The following PRICKLE1 variants were observed in gnomAD, a reference collection of about 807,000 sequenced individuals.
The protein encoded by PRICKLE1 is prickle planar cell polarity protein 1.
PRICKLE1 carries 14 observed loss-of-function variants against 70.2 expected under a neutral mutation model. The observed-to-expected ratio is 0.20, with a 90% confidence interval of 0.13 to 0.31. PRICKLE1 has a LOEUF of 0.31. Among genes scored for constraint, PRICKLE1 ranks in the 10% least tolerant of loss-of-function variants. The pLI is 1.00. For missense variants in PRICKLE1, 821 were observed against 1,026.2 expected (o/e 0.80, Z 2.73); for synonymous variants, 357 against 379.9 (o/e 0.94, Z 0.70).
Position 42,464,974 on chromosome 12 carries a change from G to A in PRICKLE1, c.1060C>T (p.Pro354Ser), listed in dbSNP as rs1938033219. Residue 354 changes from proline to serine, a missense_variant, in exon 7 of 8, where the codon CCT becomes TCT. Coordinates refer to ENST00000345127, the MANE Select transcript of PRICKLE1 (RefSeq NM_153026.3). This position sits in a 1 kb window ranked among gnomAD's most constrained non-coding sequence, Gnocchi z 4.2. ...CCAGGAAACTTGTAGTTCAGAGCAG[G>A]CGATAAGAGGAGAGACTGTCTACAC... ...DQCRQSLLLS[P>S]ALNYKFPGLS... The A allele has an allele frequency of 6.2e-7, 1 of 1,614,086 alleles. No homozygotes were observed. Among genetic ancestry groups the A allele is most frequent in the Non-Finnish European group, 8.5e-7 (1 of 1,180,006 alleles).
At chr12:42,481,816 T>A (rs1390846598) in intron 1 of PRICKLE1, among the ~76,000 whole-genome samples, 1 of 152,216 alleles carries the variant, frequency 6.6e-6, no homozygotes, top group Non-Finnish European at 1.5e-5. Flanking sequence ...GATGTGAATT[T>A]TCCAGTAAAA....
intron 7 of PRICKLE1, chr12:42,460,869 C>CTT (rs1212712742): frequency 1.6e-6 from 1 of 641,446 alleles, no homozygotes; most frequent in Non-Finnish European, 2.7e-6. Context: ...TGGGCACAGC[C>CTT]TTTTTTGTTT....
chr12:42,534,779 T>C (rs1275692974), intron 1 of PRICKLE1, among the ~76,000 whole-genome samples: 1 of 151,974 alleles, frequency 6.6e-6, no homozygotes, highest in East Asian at 1.9e-4. Flanking sequence ...TGAAAGGGGA[T>C]ACTAAAAAAA....
intron 6 of PRICKLE1, chr12:42,465,528 C>T (rs941471980): frequency 1.7e-5 from 8 of 463,274 alleles, no homozygotes; most frequent in African/African-American, 1.6e-4. Context: ...ACTGAACCAA[C>T]ATGCACTGAT....
intron 1 of PRICKLE1, among the ~76,000 whole-genome samples, chr12:42,547,117 A>G (rs1195530725): frequency 6.6e-6 from 1 of 152,182 alleles, no homozygotes; most frequent in East Asian, 1.9e-4. Flanking sequence ...TAGCTGGAAT[A>G]ATTTCTATCC....
rs536260461 is a variant in PRICKLE1 at position 42,464,081 on chromosome 12, T to C, written c.1639+314A>G. Among the ~76,000 whole-genome samples the C allele has an allele frequency of 1.3e-5, 2 of 151,808 alleles. No homozygotes were observed. Among genetic ancestry groups the C allele is most frequent in the East Asian group, 3.9e-4 (2 of 5,130 alleles). On this transcript the variant is annotated intron_variant, in intron 7 of 7. Transcript: ENST00000345127. The surrounding 1 kb of genome is among the most constrained non-coding windows in gnomAD (Gnocchi z 4.2). ...TCTTGCTCTGTTGCCCAGGCTGGAGTGCAGTGGCGCAATCTTGGCTCACTA... is the reference window on the plus strand; with the variant it reads ...TCTTGCTCTGTTGCCCAGGCTGGAGCGCAGTGGCGCAATCTTGGCTCACTA...
intron 1 of PRICKLE1, among the ~76,000 whole-genome samples, chr12:42,553,443 CA>C (rs11432974): frequency 0.58 from 80,121 of 138,842 alleles, 24,332 homozygotes; most frequent in East Asian, 0.85. Flanking sequence ...GACTCCGTCT[CA>C]AAAAAAAAAA....
intron 1 of PRICKLE1, among the ~76,000 whole-genome samples, chr12:42,572,671 T>C (rs943582628): frequency 3.3e-5 from 5 of 150,844 alleles, no homozygotes; most frequent in Middle Eastern, 3.4e-3. Flanking sequence ...AATATATATA[T>C]ATAAAATCAG....
intron 1 of PRICKLE1, among the ~76,000 whole-genome samples, chr12:42,506,567 CTTTTTTTTTTTTTT>C (rs139103281): frequency 1.5e-5 from 1 of 64,608 alleles, no homozygotes; most frequent in Non-Finnish European, 2.9e-5. Context: ...CAATAGTGTT[CTTTTTTTTTTTTTT>C]TTTTTTTTTT....
chr12:42,552,967 G>C (rs1334908459), intron 1 of PRICKLE1, among the ~76,000 whole-genome samples: 1 of 152,140 alleles, frequency 6.6e-6, no homozygotes, highest in Non-Finnish European at 1.5e-5. Flanking sequence ...AGAATCTAAT[G>C]CTGCAGCTGA....
chr12:42,477,787 G>C (rs1938626853), intron 1 of PRICKLE1, among the ~76,000 whole-genome samples: 1 of 151,874 alleles, frequency 6.6e-6, no homozygotes, highest in South Asian at 2.1e-4. Context: ...TGTCTCTTAA[G>C]GTTGATCACA....
intron 1 of PRICKLE1, among the ~76,000 whole-genome samples, chr12:42,564,173 G>A (rs11181560): frequency 0.27 from 39,036 of 145,658 alleles, 7,328 homozygotes; most frequent in African/African-American, 0.55. Context: ...CAGGAGAATC[G>A]TGAACCCGGG....
At chr12:42,506,325 G>A (rs1359863364) in intron 1 of PRICKLE1, among the ~76,000 whole-genome samples, 1 of 136,560 alleles carries the variant, frequency 7.3e-6, no homozygotes, top group African/African-American at 2.8e-5. Flanking sequence ...GGCGTGATCT[G>A]GGTTCACTGA....
At chr12:42,513,556 C>T (rs1458931779) in intron 1 of PRICKLE1, among the ~76,000 whole-genome samples, 1 of 149,816 alleles carries the variant, frequency 6.7e-6, no homozygotes, top group African/African-American at 2.5e-5. Context: ...TAGCAAGATG[C>T]TGTTGGGCTG....
At position 42,557,074 on chromosome 12, in the gene PRICKLE1, C is replaced by G. The variant is rs551479070; in HGVS notation, c.-49+32391G>C. Among the ~76,000 whole-genome samples, 36 of 152,148 alleles carry G rather than the reference C, an allele frequency of 2.4e-4. No individual in the cohort carries two copies. The South Asian group carries it at 7.1e-3, about 30-fold the overall frequency. ...GGCTCAAGTGATCCTCCTACCGCAG[C>G]CTCTCAAGTGGCTGGGACTACCACC... On this transcript the variant is annotated intron_variant, in intron 1 of 7. Coordinates refer to ENST00000345127, the MANE Select transcript of PRICKLE1 (RefSeq NM_153026.3).
intron 1 of PRICKLE1, among the ~76,000 whole-genome samples, chr12:42,494,116 A>C (rs1288612966): frequency 6.6e-6 from 1 of 152,228 alleles, no homozygotes; most frequent in Middle Eastern, 3.2e-3. Context: ...ACTGCTAAAA[A>C]ATGCTAATGA....
At chr12:42,553,685 C>T (rs1001181186) in intron 1 of PRICKLE1, among the ~76,000 whole-genome samples, 9 of 152,068 alleles carry the variant, frequency 5.9e-5, no homozygotes, top group African/African-American at 2.2e-4. Flanking sequence ...GGGAGTGGTA[C>T]TCTAGCAAGT....
At chr12:42,576,434 G>T (rs557095639) in intron 1 of PRICKLE1, among the ~76,000 whole-genome samples, 1 of 152,160 alleles carries the variant, frequency 6.6e-6, no homozygotes, top group Non-Finnish European at 1.5e-5. Flanking sequence ...GGGCATATTC[G>T]ACTTTATTTC....
At chr12:42,588,601 A>T (rs1016878093) in intron 1 of PRICKLE1, among the ~76,000 whole-genome samples, 2 of 151,678 alleles carry the variant, frequency 1.3e-5, no homozygotes, top group Non-Finnish European at 1.5e-5. Flanking sequence ...TTTAAAAATC[A>T]GCAACCAAAC....
Sources: gnomAD v4.1 joint callset for allele counts (sites outside exome capture counted in the v4.1 genomes callset) on GRCh38, gnomAD v4.1.1 for gene constraint, Gnocchi (gnomAD v3.1) non-coding constraint, MANE v1.5 for transcripts, NCBI Gene and HGNC (gene_info 2026-07-23, HGNC 2026-07-21) for gene names.